EYS: variants seen among roughly 807,000 people sequenced by gnomAD.
EYS encodes the protein EGF-like photoreceptor maintenance factor.
Under a neutral mutation model 282.1 loss-of-function variants are expected in EYS, and 250 were observed. That is an observed-to-expected ratio of 0.89 (90% CI 0.80 to 0.98). The LOEUF (loss-of-function observed/expected upper bound fraction) is 0.98. Among genes scored for constraint, EYS ranks in the 50% least tolerant of loss-of-function variants. The probability of loss-of-function intolerance (pLI) is 0.00; values close to 1 mark genes in which losing one functional copy is unlikely to be tolerated. For synonymous variants in EYS, 1,355 were observed against 1,282.9 expected (o/e 1.06, Z -1.20); for missense variants, 4,016 against 3,709.0 (o/e 1.08, Z -2.15).
At position 64,316,296 on chromosome 6, in the gene EYS, T is replaced by C. The variant is rs536962373; in HGVS notation, c.6079-9214A>G. On this transcript the variant is annotated intron_variant, in intron 29 of 42. Transcript: ENST00000503581. Reference sequence around the variant, plus strand: ...TCAAATTGTCTCTGTTTGCAGATGATGTGATTGAGTATTACCAAACCCCAT... The same window carrying C: ...TCAAATTGTCTCTGTTTGCAGATGACGTGATTGAGTATTACCAAACCCCAT... Among the ~76,000 whole-genome samples, 209 of 152,180 alleles carry C rather than the reference T, an allele frequency of 1.4e-3. 1 individual carries two copies. The highest frequency in any genetic ancestry group is 2.2e-3 in the Admixed American group (34 of 15,256).
intron 19 of EYS, among the ~76,000 whole-genome samples, chr6:64,885,056 G>A (rs75214176): frequency 6.6e-6 from 1 of 151,626 alleles, no homozygotes; most frequent in Admixed American, 6.6e-5. Context: ...CTATAATCAT[G>A]AATTAAAAAC....
At chr6:65,576,840 C>G (rs957979286) in intron 2 of EYS, among the ~76,000 whole-genome samples, 3 of 151,538 alleles carry the variant, frequency 2.0e-5, no homozygotes, top group African/African-American at 4.8e-5. Flanking sequence ...AAAACAAATA[C>G]TTAGGAATAA....
intron 5 of EYS, among the ~76,000 whole-genome samples, chr6:65,472,914 C>A (rs1238020768): frequency 6.6e-6 from 1 of 151,702 alleles, no homozygotes; most frequent in Non-Finnish European, 1.5e-5. Flanking sequence ...TGGGTCCAAA[C>A]TCCTAAGGTC....
intron 2 of EYS, among the ~76,000 whole-genome samples, chr6:65,599,130 C>A (rs898757222): frequency 6.6e-6 from 1 of 151,972 alleles, no homozygotes; most frequent in Non-Finnish European, 1.5e-5. Flanking sequence ...TCCATATATG[C>A]GGATTTAGCT....
intron 2 of EYS, among the ~76,000 whole-genome samples, chr6:65,617,702 C>CT (rs1201162165): frequency 1.6e-5 from 2 of 124,108 alleles, no homozygotes; most frequent in African/African-American, 6.0e-5. Context: ...TCCCTCCCCC[C>CT]TCCCCCCACC....
intron 39 of EYS, among the ~76,000 whole-genome samples, chr6:63,786,777 C>T (rs557609025): frequency 6.6e-6 from 1 of 151,914 alleles, no homozygotes; most frequent in Non-Finnish European, 1.5e-5. Context: ...TTTTTAGATC[C>T]CACTGTAAAG....
At chr6:64,890,055 C>T (rs77912540) in intron 18 of EYS, among the ~76,000 whole-genome samples, 4,360 of 149,904 alleles carry the variant, frequency 0.029, 148 homozygotes, top group East Asian at 0.16. Flanking sequence ...GCCCCCCCCC[C>T]CCAAGGTGTG....
chr6:65,443,904 A>T (rs778683849), intron 5 of EYS, among the ~76,000 whole-genome samples: 2 of 151,848 alleles, frequency 1.3e-5, no homozygotes, highest in African/African-American at 4.8e-5. Context: ...TAGTTCCTAT[A>T]CCTTTTTCTT....
intron 41 of EYS, among the ~76,000 whole-genome samples, chr6:63,761,153 A>G (rs958352833): frequency 1.5e-4 from 23 of 151,874 alleles, no homozygotes; most frequent in African/African-American, 5.6e-4. Context: ...GGCTTCCCTA[A>G]ATTAGCAAGG....
At chr6:63,875,920 C>A (rs991359446) in intron 35 of EYS, among the ~76,000 whole-genome samples, 1 of 152,164 alleles carries the variant, frequency 6.6e-6, no homozygotes, top group Admixed American at 6.5e-5. Flanking sequence ...TTCAAAAAAC[C>A]AGCTCCTGGA....
intron 31 of EYS, among the ~76,000 whole-genome samples, chr6:64,107,673 ACACT>A (rs1330199732): frequency 6.6e-6 from 1 of 152,090 alleles, no homozygotes; most frequent in Admixed American, 6.6e-5. Context: ...AATCAAGTTG[ACACT>A]CAGTATTAAC....
chr6:63,952,257 G>A (rs954254002), intron 35 of EYS, among the ~76,000 whole-genome samples: 1 of 152,194 alleles, frequency 6.6e-6, no homozygotes, highest in East Asian at 1.9e-4. Context: ...TATCTGTGTG[G>A]GATCTCACTG....
intron 36 of EYS, among the ~76,000 whole-genome samples, chr6:63,860,827 T>C (rs1289346541): frequency 1.3e-5 from 2 of 152,216 alleles, no homozygotes; most frequent in African/African-American, 4.8e-5. Context: ...TGGCATTTAA[T>C]ATGGCTTTCT....
chr6:64,414,116 C>T (rs1456112391), intron 28 of EYS, among the ~76,000 whole-genome samples: 1 of 152,054 alleles, frequency 6.6e-6, no homozygotes, highest in Non-Finnish European at 1.5e-5. Flanking sequence ...TTTGTTACAG[C>T]AGCCAAAATG....
At chr6:65,447,922 C>T (rs1216914957) in intron 5 of EYS, among the ~76,000 whole-genome samples, 2 of 151,920 alleles carry the variant, frequency 1.3e-5, no homozygotes, top group African/African-American at 4.8e-5. Context: ...TGTACAAAGA[C>T]CCAGGTTAAA....
At chr6:64,526,474 T>C (rs1471450872) in intron 26 of EYS, among the ~76,000 whole-genome samples, 1 of 151,868 alleles carries the variant, frequency 6.6e-6, no homozygotes, top group African/African-American at 2.4e-5. Flanking sequence ...TTTAAAAAAA[T>C]TATATATTTT....
At chr6:64,645,065 C>T (rs1389699652) in intron 22 of EYS, among the ~76,000 whole-genome samples, 1 of 152,160 alleles carries the variant, frequency 6.6e-6, no homozygotes, top group Non-Finnish European at 1.5e-5. Flanking sequence ...TATTTTACAT[C>T]AACTAGCCTT....
In EYS at chr6:63,777,375, T is replaced by C. The variant is rs370631677; in HGVS notation, c.7898+631A>G. 9.0e-4 allele frequency among the ~76,000 whole-genome samples: 137 copies of C among 152,308 alleles called. 3 individuals are homozygous for C. The East Asian group carries it at 0.023, about 25-fold the overall frequency. ...TGTGAGGAGCATTTTGACAAATCTC[T>C]CTTTAGCTGTCTTATACATGTATGA... On this transcript the variant is annotated intron_variant, in intron 40 of 42. Coordinates refer to ENST00000503581, the MANE Select transcript of EYS (RefSeq NM_001142800.2).
intron 11 of EYS, among the ~76,000 whole-genome samples, chr6:65,308,634 TTCTA>T (rs1216541853): frequency 6.6e-6 from 1 of 150,800 alleles, no homozygotes; most frequent in Non-Finnish European, 1.5e-5. Context: ...CTGTTTCCTT[TTCTA>T]TCTAACTCCA....
Sources: gnomAD v4.1 joint callset for allele counts (sites outside exome capture counted in the v4.1 genomes callset) on GRCh38, gnomAD v4.1.1 for gene constraint, MANE v1.5 for transcripts, NCBI Gene and HGNC (gene_info 2026-07-23, HGNC 2026-07-21) for gene names.